TMEM232: variants seen among roughly 807,000 people sequenced by gnomAD.
TMEM232 encodes the protein transmembrane protein 232.
A neutral mutation model predicts 78.8 loss-of-function variants in TMEM232; 80 were observed. The observed-to-expected ratio is 1.01, with a 90% CI of 0.85 to 1.22. The LOEUF (loss-of-function observed/expected upper bound fraction) is 1.22, where lower values mean the gene tolerates loss of function less well. Among genes scored for constraint, TMEM232 ranks in the 50% most tolerant of loss-of-function variants. TMEM232 has a pLI of 0.00. For missense variants in TMEM232, 881 were observed against 742.2 expected, an observed-to-expected ratio of 1.19 and a Z score of -2.17; for synonymous variants, 297 against 254.3, an observed-to-expected ratio of 1.17 and a Z score of -1.60.
chr5:110,473,085 TATATCAAAC>T (rs1762858594), intron 12 of TMEM232, among the ~76,000 whole-genome samples: 1 of 150,626 alleles, frequency 6.6e-6, no homozygotes, highest in African/African-American at 2.4e-5. Flanking sequence ...CAAATAAGAT[TATATCAAAC>T]ATATCAAACT....
At chr5:110,458,459 G>T (rs1055804953) in intron 12 of TMEM232, among the ~76,000 whole-genome samples, 5 of 152,140 alleles carry the variant, frequency 3.3e-5, no homozygotes, top group Non-Finnish European at 7.4e-5. Context: ...CAGGAGTGCA[G>T]CCTGACACAA....
intron 10 of TMEM232, among the ~76,000 whole-genome samples, chr5:110,585,133 C>A (rs1454636278): frequency 6.6e-6 from 1 of 152,056 alleles, no homozygotes; most frequent in African/African-American, 2.4e-5. Flanking sequence ...TAGGTGAAGA[C>A]CTTTACATGG....
intron 8 of TMEM232, among the ~76,000 whole-genome samples, chr5:110,611,363 T>C (rs1782248387): frequency 6.6e-6 from 1 of 152,168 alleles, no homozygotes; most frequent in South Asian, 2.1e-4. Flanking sequence ...ATGTAGGCTT[T>C]AGCCTGTCTG....
chr5:110,521,665 C>A (rs1294512089), intron 12 of TMEM232, among the ~76,000 whole-genome samples: 2 of 152,118 alleles, frequency 1.3e-5, no homozygotes, highest in African/African-American at 4.8e-5. Context: ...CATTCTTACA[C>A]ATGTGGATAT....
chr5:110,419,178 T>C (rs1381791792), downstream of TMEM232, among the ~76,000 whole-genome samples: 1 of 149,942 alleles, frequency 6.7e-6, no homozygotes, highest in South Asian at 2.1e-4. Flanking sequence ...TTTTTTTTTT[T>C]CCTTTGCACA....
At chr5:110,654,591 A>C (rs1310903909) in intron 2 of TMEM232, among the ~76,000 whole-genome samples, 3 of 152,168 alleles carry the variant, frequency 2.0e-5, no homozygotes, top group Non-Finnish European at 4.4e-5. Context: ...TGATGCCTCC[A>C]GCTTTGTTCT....
chr5:110,491,346 T>C (rs1291771562), intron 12 of TMEM232, among the ~76,000 whole-genome samples: 2 of 152,060 alleles, frequency 1.3e-5, no homozygotes, highest in African/African-American at 4.8e-5. Flanking sequence ...ATGTGGATAA[T>C]TGGAATTATA....
intron 2 of TMEM232, among the ~76,000 whole-genome samples, chr5:110,648,441 C>T (rs1787825388): frequency 6.6e-6 from 1 of 151,950 alleles, no homozygotes; most frequent in African/African-American, 2.4e-5. Context: ...TACCAGGGAA[C>T]ATGTATAAGA....
intron 12 of TMEM232, among the ~76,000 whole-genome samples, chr5:110,454,249 T>C (rs1760636757): frequency 6.6e-6 from 1 of 152,210 alleles, no homozygotes; most frequent in South Asian, 2.1e-4. Context: ...GACAATTTTC[T>C]GGCCATAAAT....
At position 110,625,100 on chromosome 5, in the gene TMEM232, G is replaced by C. The variant is rs572661837; in HGVS notation, c.768+167C>G. 5.3e-5 allele frequency among the ~76,000 whole-genome samples: 8 copies of C among 152,066 alleles called. No homozygotes were observed. The South Asian group carries it at 1.7e-3, about 32-fold the overall frequency. ...TCCTATTAACTACTCTCCAGGAACTGTGCATATGGTTGCATGAAATTCGTA... is the reference window on the plus strand; with the variant it reads ...TCCTATTAACTACTCTCCAGGAACTCTGCATATGGTTGCATGAAATTCGTA... On this transcript the variant is annotated intron_variant, in intron 7 of 13. Transcript: ENST00000455884.
chr5:110,467,519 C>T (rs542804355), intron 12 of TMEM232, among the ~76,000 whole-genome samples: 5 of 152,262 alleles, frequency 3.3e-5, no homozygotes, highest in Non-Finnish European at 7.4e-5. Context: ...ATAAAAACTG[C>T]ATTTGCAGAA....
intron 12 of TMEM232, among the ~76,000 whole-genome samples, chr5:110,427,827 C>G (rs1053418318): frequency 6.6e-6 from 1 of 151,768 alleles, no homozygotes; most frequent in African/African-American, 2.4e-5. Context: ...CTTTTTCATA[C>G]AATGACATTT....
At chr5:110,521,038 G>A (rs76224051) in intron 12 of TMEM232, among the ~76,000 whole-genome samples, 5,074 of 152,146 alleles carry the variant, frequency 0.033, 275 homozygotes, top group East Asian at 0.23. Context: ...TCATTCATGC[G>A]GGTGCATTAA....
intron 12 of TMEM232, among the ~76,000 whole-genome samples, chr5:110,492,769 T>C (rs957221544): frequency 6.6e-6 from 1 of 152,012 alleles, no homozygotes; most frequent in Non-Finnish European, 1.5e-5. Context: ...ATATTAGAGA[T>C]TCTAGAAAAT....
intron 12 of TMEM232, among the ~76,000 whole-genome samples, chr5:110,506,153 A>C (rs981107338): frequency 1.3e-5 from 2 of 152,240 alleles, no homozygotes; most frequent in African/African-American, 4.8e-5. Context: ...AAAGACTAGA[A>C]GTTAACTGTC....
intron 1 of TMEM232, among the ~76,000 whole-genome samples, chr5:110,673,318 G>C (rs1329408096): frequency 6.6e-6 from 1 of 151,374 alleles, no homozygotes; most frequent in Non-Finnish European, 1.5e-5. Context: ...TGGCGGGAGG[G>C]GGGAGGGATA....
chr5:110,538,429 T>C (rs554467706), intron 11 of TMEM232, among the ~76,000 whole-genome samples: 1 of 152,130 alleles, frequency 6.6e-6, no homozygotes, highest in African/African-American at 2.4e-5. Flanking sequence ...GCAAAAATTA[T>C]GGCAGCCATC....
At chr5:110,577,052 C>T (rs535414860) in intron 10 of TMEM232, among the ~76,000 whole-genome samples, 13 of 152,040 alleles carry the variant, frequency 8.6e-5, no homozygotes, top group South Asian at 6.2e-4. Flanking sequence ...CTAAACTAAA[C>T]GGCTACTGCA....
At chr5:110,480,669 G>A (rs537791449) in intron 12 of TMEM232, among the ~76,000 whole-genome samples, 1 of 152,172 alleles carries the variant, frequency 6.6e-6, no homozygotes, top group South Asian at 2.1e-4. Context: ...TGCTCAAGAT[G>A]CAAAAATGGC....
Sources: allele counts gnomAD v4.1 joint callset (sites outside exome capture counted in the v4.1 genomes callset), GRCh38; gene constraint gnomAD v4.1.1; transcripts MANE v1.5; gene names NCBI Gene and HGNC (gene_info 2026-07-23, HGNC 2026-07-21).